The following LETM1 variants were observed in gnomAD, a reference collection of about 807,000 sequenced individuals.
The protein encoded by LETM1 is mitochondrial proton/calcium exchanger protein.
In LETM1, 50 loss-of-function variants were observed where a neutral mutation model predicts 74.5. That is an observed-to-expected ratio of 0.67 (90% CI 0.53 to 0.85). LETM1 has a LOEUF of 0.85. Among genes scored for constraint, LETM1 ranks in the 40% least tolerant of loss-of-function variants. The pLI, the probability that LETM1 is intolerant of heterozygous loss-of-function variation, is 0.00. For synonymous variants in LETM1, 446 were observed against 407.1 expected, an observed-to-expected ratio of 1.10 and a Z score of -1.15; for missense variants, 824 against 967.8, an observed-to-expected ratio of 0.85 and a Z score of 1.97.
chr4:1,816,659 TCCAGCAAAG>T, intron 12 of LETM1, 59 bp downstream of exon 12: 1 of 1,491,226 alleles, frequency 6.7e-7, no homozygotes. Flanking sequence ...CCAGCTCGGA[TCCAGCAAAG>T]GGACCAGCCT....
At chr4:1,822,150 G>A (rs1329869934) in intron 10 of LETM1, 31 bp downstream of exon 10, 2 of 1,369,984 alleles carry the variant, frequency 1.5e-6, no homozygotes, top group Non-Finnish European at 9.5e-7. Flanking sequence ...GCCCTCCTCA[G>A]CCTCCAGGGC....
intron 2 of LETM1, among the ~76,000 whole-genome samples, chr4:1,845,303 T>A (rs1158138277): frequency 2.0e-5 from 3 of 151,748 alleles, no homozygotes; most frequent in Non-Finnish European, 4.4e-5. Context: ...ATGTAAATGG[T>A]TACCATTTAT....
At chr4:1,854,323 T>C (rs992782315) in intron 1 of LETM1, among the ~76,000 whole-genome samples, 3 of 144,116 alleles carry the variant, frequency 2.1e-5, no homozygotes, top group Non-Finnish European at 3.0e-5. Flanking sequence ...CTACTAAAAA[T>C]ACAAAAATTA....
At chr4:1,854,352 C>T (rs1055524337) in intron 1 of LETM1, among the ~76,000 whole-genome samples, 15 of 151,614 alleles carry the variant, frequency 9.9e-5, no homozygotes, top group Non-Finnish European at 1.9e-4. Flanking sequence ...TGAGGGTGTG[C>T]GCCTGTAATC....
chr4:1,833,460 G>C (rs1032433263), intron 5 of LETM1: 1 of 170,942 alleles, frequency 5.8e-6, no homozygotes, highest in African/African-American at 2.4e-5. Flanking sequence ...CCCACAGGCT[G>C]CTGCATGCAG....
chr4:1,822,830 G>A lies in LETM1; in HGVS notation c.1476+158C>T, dbSNP rs544762117. On this transcript the variant is annotated intron_variant, in intron 9 of 13. Coordinates refer to ENST00000302787, the MANE Select transcript of LETM1 (RefSeq NM_012318.3). ...TGTCAGAGTTGCAGCCCTCACACCC[G>A]GGCACCCTGCCTCCCTGACCACTCC... 24 of 657,182 alleles carry A rather than the reference G, an allele frequency of 3.7e-5. No homozygotes were observed. The South Asian group carries it at 9.4e-4, about 26-fold the overall frequency. The allele number at this position is 657,182 out of a possible 1,614,324, so 40.7% of individuals were successfully genotyped here.
At chr4:1,849,247 T>G in intron 1 of LETM1, 38 bp from the exon 2 acceptor site, 1 of 1,458,092 alleles carries the variant, frequency 6.9e-7, no homozygotes, top group Non-Finnish European at 9.6e-7. Context: ...GAGTAGTAAA[T>G]CAGGGATTTA....
chr4:1,815,394 C>T (rs1325831937), intron 13 of LETM1, among the ~76,000 whole-genome samples: 2 of 152,224 alleles, frequency 1.3e-5, no homozygotes, highest in Non-Finnish European at 2.9e-5. Flanking sequence ...TCCCCAGTGC[C>T]ACCAGCTGGG....
At chr4:1,838,856 T>G (rs1041879099) in intron 3 of LETM1, among the ~76,000 whole-genome samples, 8 of 152,170 alleles carry the variant, frequency 5.3e-5, no homozygotes, top group African/African-American at 1.7e-4. Context: ...GCCCATGGTG[T>G]CCCATGGCTC....
chr4:1,825,885 G>C (rs1053770784), intron 6 of LETM1, among the ~76,000 whole-genome samples: 1 of 151,986 alleles, frequency 6.6e-6, no homozygotes, highest in African/African-American at 2.4e-5. Context: ...GAACGGCCAC[G>C]GTCAACCCCG....
intron 2 of LETM1, 53 bp downstream of exon 2, chr4:1,849,096 T>G: frequency 7.7e-7 from 1 of 1,305,604 alleles, no homozygotes. Context: ...TCTCCACCAT[T>G]TTCAAACCCT....
chr4:1,850,734 G>A (rs1294340294), intron 1 of LETM1, among the ~76,000 whole-genome samples: 1 of 151,848 alleles, frequency 6.6e-6, no homozygotes, highest in Non-Finnish European at 1.5e-5. Flanking sequence ...GGAGGCTGAG[G>A]CGGGTGGATC....
chr4:1,854,183 T>TA (rs1713160228), intron 1 of LETM1, among the ~76,000 whole-genome samples: 1 of 152,318 alleles, frequency 6.6e-6, no homozygotes, highest in African/African-American at 2.4e-5. Flanking sequence ...GCCATTATTG[T>TA]AAAAATTACA....
chr4:1,832,945 G>C lies in LETM1; in HGVS notation c.879C>G (p.Ile293Met). 6.2e-7 allele frequency: 1 copy of C among 1,612,056 alleles called. No homozygotes were observed. The highest frequency in any genetic ancestry group is 8.5e-7 in the Non-Finnish European group (1 of 1,179,892). ...TKDFSVFFQK[I>M]RETGERPSNE... ...TGCTGGGCCTCTCCCCTGTTTCCCG[G>C]ATCTGCGGAAGTGGTCACAAGGGTC... The change falls in exon 6 of 14, where the codon ATC becomes ATG. Residue 293 changes from isoleucine (I) to methionine (M), a missense_variant and splice_region_variant. Ile to Met is a conservative substitution (Grantham distance 10). Around this residue, in one of 4 missense-constraint regions of LETM1, gnomAD observed 269 missense variants for 348.8 expected, o/e 0.77. Coordinates refer to ENST00000302787, the MANE Select transcript of LETM1 (RefSeq NM_012318.3).
rs1375462462 is a variant in LETM1 at position 1,834,623 on chromosome 4, C to A, written c.876+222G>T. On this transcript the variant is annotated intron_variant, in intron 5 of 13. Transcript: ENST00000302787. This position sits in a 1 kb window ranked among gnomAD's most constrained non-coding sequence, Gnocchi z 5.0. ...TGATGAGACACAGACGCCCATAATTCTGAAGGCTGACGAGGCGCAGCCACC... is the reference window on the plus strand; with the variant it reads ...TGATGAGACACAGACGCCCATAATTATGAAGGCTGACGAGGCGCAGCCACC... 26 of 1,379,092 alleles carry A rather than the reference C, an allele frequency of 1.9e-5. No individual in the cohort carries two copies. The highest frequency in any genetic ancestry group is 2.2e-5 in the Non-Finnish European group (24 of 1,066,976). The allele number at this position is 1,379,092 out of a possible 1,614,324, so 85.4% of individuals were successfully genotyped here. A position where few individuals can be genotyped will look rare whatever the true frequency, so the allele number is the denominator to read the frequency against.
rs1371227833 is a variant in LETM1 at position 1,855,909 on chromosome 4, G to A, written c.42C>T (p.Pro14=). The A allele has an allele frequency of 1.1e-5, 14 of 1,238,112 alleles. No individual in the cohort carries two copies. The highest frequency in any genetic ancestry group is 8.5e-5 in the Admixed American group (2 of 23,604). 76.7% of individuals were successfully genotyped at this position (1,238,112 alleles called of 1,614,324 possible). The change falls in exon 1 of 14, where the codon CCC becomes CCT. Residue 14 remains proline (P), a synonymous_variant. Coordinates refer to ENST00000302787, the MANE Select transcript of LETM1 (RefSeq NM_012318.3). ...ACCGAGGCGGCGGCGGGAGGCGGGC[G>A]GGCGCCCGGCCGCGGCAGCTCCTCA... The part of the protein sequence containing the change: ...ILLRSCRGRA[P]ARLPPPPRYT...
In LETM1 at chr4:1,834,296, C is replaced by T. The variant is rs1351735845; in HGVS notation, c.876+549G>A. 3.3e-5 allele frequency: 24 copies of T among 725,206 alleles called. No homozygotes were observed. The highest frequency in any genetic ancestry group is 6.2e-5 in the Admixed American group (1 of 16,084). The allele number at this position is 725,206 out of a possible 1,614,324, so 44.9% of individuals were successfully genotyped here. On this transcript the variant is annotated intron_variant, in intron 5 of 13. Coordinates refer to ENST00000302787, the MANE Select transcript of LETM1 (RefSeq NM_012318.3). This position sits in a 1 kb window ranked among gnomAD's most constrained non-coding sequence, Gnocchi z 5.0. Reference sequence around the variant, plus strand: ...CACAAGTCCCTCAAGCCAACAACACCGGCCTCGTGAACCCCATCTAGTCCT... The same window carrying T: ...CACAAGTCCCTCAAGCCAACAACACTGGCCTCGTGAACCCCATCTAGTCCT...
intron 11 of LETM1, among the ~76,000 whole-genome samples, chr4:1,818,639 AG>A (rs1286497133): frequency 6.6e-6 from 1 of 152,088 alleles, no homozygotes; most frequent in Non-Finnish European, 1.5e-5. Context: ...AAAGAAAGAA[AG>A]AAAAAAAATC....
intron 11 of LETM1, among the ~76,000 whole-genome samples, chr4:1,819,083 CAA>C (rs796708132): frequency 3.7e-4 from 24 of 65,664 alleles, no homozygotes; most frequent in Admixed American, 6.7e-4. Flanking sequence ...GACCTTCTTA[CAA>C]AAAAAAAAAA....
Sources: allele counts gnomAD v4.1 joint callset (sites outside exome capture counted in the v4.1 genomes callset), GRCh38; gene constraint gnomAD v4.1.1; regional missense constraint gnomAD v4.1.1; non-coding constraint Gnocchi (gnomAD v3.1); transcripts MANE v1.5; gene names NCBI Gene and HGNC (gene_info 2026-07-23, HGNC 2026-07-21).